The following TRIOBP variants were observed in gnomAD, a reference collection of about 807,000 sequenced individuals.
TRIOBP encodes TRIO and F-actin binding protein.
Under a neutral mutation model 238.8 loss-of-function variants are expected in TRIOBP, and 169 were observed. The observed-to-expected ratio is 0.71, with a 90% confidence interval of 0.62 to 0.80. TRIOBP has a LOEUF of 0.80. Ranked by LOEUF, TRIOBP falls within the 30% of genes least tolerant of loss-of-function variation. The pLI is 0.00. For synonymous variants in TRIOBP, 1,150 were observed against 1,274.4 expected (o/e 0.90, Z 2.08); for missense variants, 2,838 against 3,122.6 (o/e 0.91, Z 2.17).
At chr22:37,766,508 C>CAAA (rs1569062282) in intron 18 of TRIOBP, among the ~76,000 whole-genome samples, 14 of 152,244 alleles carry the variant, frequency 9.2e-5, no homozygotes. Flanking sequence ...TTTGCAGCCG[C>CAAA]GTGTGTTAGA....
At chr22:37,752,365 C>T (rs538022283) in intron 12 of TRIOBP, among the ~76,000 whole-genome samples, 7 of 152,340 alleles carry the variant, frequency 4.6e-5, no homozygotes, top group African/African-American at 1.7e-4. Flanking sequence ...TGCCACAAAG[C>T]TCCTGGCACT....
At chr22:37,740,868 G>T in intron 10 of TRIOBP, 27 bp from the exon 11 acceptor site, 1 of 1,561,684 alleles carries the variant, frequency 6.4e-7, no homozygotes, top group East Asian at 2.4e-5. Context: ...AAGGGACCTG[G>T]GGCCAACACT....
Position 37,726,401 on chromosome 22 carries a change from T to C in TRIOBP, c.3845T>C (p.Leu1282Pro). 1 of 1,586,252 alleles carries C rather than the reference T, an allele frequency of 6.3e-7. No individual in the cohort carries two copies. ...GCCGACCTGCCCCCACCCAGGAGGC[T>C]GGCCCAGAGACAGCCAGGGCCCCAG... ...VLADLPPPRR[L>P]AQRQPGPQAQ... Residue 1282 changes from leucine (L) to proline (P), a missense_variant, in exon 7 of 24, where the codon CTG (leucine) becomes CCG (proline). Coordinates refer to ENST00000644935, the MANE Select transcript of TRIOBP (RefSeq NM_001039141.3).
chr22:37,750,587 C>T (rs929817951), intron 11 of TRIOBP: 12 of 467,326 alleles, frequency 2.6e-5, no homozygotes, highest in Middle Eastern at 3.3e-4. Context: ...GCGGGACAAA[C>T]GCAGCCCCAG....
At position 37,726,239 on chromosome 22, in the gene TRIOBP, C is replaced by T. The variant is rs1436237494; in HGVS notation, c.3683C>T (p.Ser1228Phe). The change falls in exon 7 of 24, where the codon TCC (serine) becomes TTC (phenylalanine). Residue 1228 changes from serine to phenylalanine, a missense_variant. Around this residue, in one of 5 missense-constraint regions of TRIOBP, gnomAD observed 2,096 missense variants for 2,137.4 expected, o/e 0.98. Transcript: ENST00000644935. The part of the protein sequence containing the change: ...IGHRDAPRAS[S>F]PPRHPPSDLA... ...CACCGGGATGCACCCCGAGCCTCCT[C>T]CCCACCCCGCCACCCACCCAGTGAC... The T allele has an allele frequency of 1.2e-6, 2 of 1,610,576 alleles. No homozygotes were observed. The highest frequency in any genetic ancestry group is 1.7e-6 in the Non-Finnish European group (2 of 1,178,608).
intron 9 of TRIOBP, among the ~76,000 whole-genome samples, chr22:37,737,080 G>A (rs756429980): frequency 5.3e-5 from 8 of 152,166 alleles, no homozygotes; most frequent in South Asian, 2.1e-4. Flanking sequence ...AAGTCAGCTC[G>A]TCCTGCCCTC....
chr22:37,703,474 C>T (rs1283775981), intron 3 of TRIOBP, among the ~76,000 whole-genome samples: 2 of 150,366 alleles, frequency 1.3e-5, no homozygotes, highest in African/African-American at 2.4e-5. Context: ...ACCATGGCTT[C>T]GTCATTCCCA....
At chr22:37,707,956 A>C (rs1021362834) in intron 3 of TRIOBP, among the ~76,000 whole-genome samples, 1 of 145,918 alleles carries the variant, frequency 6.9e-6, no homozygotes, top group East Asian at 2.0e-4. Flanking sequence ...AAAAGAAAAA[A>C]AAAAAAAAGG....
At position 37,740,808 on chromosome 22, in the gene TRIOBP, C is replaced by T; in HGVS notation, c.5185-87C>T. The T allele has an allele frequency of 3.9e-6, 6 of 1,542,790 alleles. No individual in the cohort carries two copies. In the South Asian group the frequency reaches 7.2e-5, roughly 18 times the overall value. On this transcript the variant is annotated intron_variant, in intron 10 of 23. Transcript: ENST00000644935. ...CCCTGGGGCTCCATGGTGGGGGGCA[C>T]CACAGAATGGGCAGGGGAGGCTGTA... is the stretch of plus-strand genomic sequence containing the variant.
chr22:37,728,946 C>T (rs946440724), intron 7 of TRIOBP, among the ~76,000 whole-genome samples: 8 of 152,136 alleles, frequency 5.3e-5, no homozygotes, highest in Middle Eastern at 3.4e-3. Context: ...GATGGAGTCT[C>T]GCTCTGTCAC....
intron 2 of TRIOBP, among the ~76,000 whole-genome samples, chr22:37,700,873 G>A (rs1922609546): frequency 6.6e-6 from 1 of 152,040 alleles, no homozygotes; most frequent in South Asian, 2.1e-4. Context: ...TGTATTTTTA[G>A]TAGAGACAGG....
At chr22:37,757,477 G>A in intron 15 of TRIOBP, 136 bp from the exon 16 acceptor site, 1 of 1,218,850 alleles carries the variant, frequency 8.2e-7, no homozygotes, top group Non-Finnish European at 1.2e-6. Context: ...GGAAGCTCAG[G>A]TCGGGCTGCT....
rs140552904 is a variant in TRIOBP, at chr22:37,708,407, C to T, written c.115-2020C>T. Among the ~76,000 whole-genome samples, 1,243 of 151,326 alleles carry T rather than the reference C, an allele frequency of 8.2e-3. 17 individuals are homozygous for T. The highest frequency in any genetic ancestry group is 0.028 in the African/African-American group (1,168 of 41,236). On this transcript the variant is annotated intron_variant, in intron 3 of 23. Coordinates refer to ENST00000644935, the MANE Select transcript of TRIOBP (RefSeq NM_001039141.3). The stretch of plus-strand genomic sequence containing the variant: ...CTCTACTAAAAATAGAAAAATTAGC[C>T]GGGCATGGTGTCGGGCACCTGTAAT...
At chr22:37,738,854 C>A in intron 10 of TRIOBP, 135 bp downstream of exon 10, 2 of 926,768 alleles carry the variant, frequency 2.2e-6, no homozygotes, top group Non-Finnish European at 3.4e-6. Context: ...CATCTATGTG[C>A]ATGGTGGGGC....
In TRIOBP at chr22:37,760,656, G is replaced by A. The variant is rs539250133; in HGVS notation, c.6324+1392G>A. ...CTAAAAATTTGACAATCAGCTGTCTGTAGTTATCACACCATTATCTAAAGT... is the reference window on the plus strand; with the variant it reads ...CTAAAAATTTGACAATCAGCTGTCTATAGTTATCACACCATTATCTAAAGT... On this transcript the variant is annotated intron_variant, in intron 17 of 23. Transcript: ENST00000644935. Among the ~76,000 whole-genome samples, 3 of 152,318 alleles carry A rather than the reference G, an allele frequency of 2.0e-5. No individual in the cohort carries two copies. In the South Asian group the frequency reaches 6.2e-4, roughly 32 times the overall value.
At chr22:37,713,148 C>T in intron 4 of TRIOBP, 62 bp from the exon 5 acceptor site, 1 of 1,476,414 alleles carries the variant, frequency 6.8e-7, no homozygotes, top group Non-Finnish European at 9.2e-7. Flanking sequence ...GTGCATATGC[C>T]TGGGTGGGGT....
intron 9 of TRIOBP, 65 bp from the exon 10 acceptor site, chr22:37,738,548 ATGGACAGATGATAGAATGGATGGATGAGG>A (rs970925998): frequency 1.2e-5 from 15 of 1,231,182 alleles, no homozygotes; most frequent in African/African-American, 1.2e-4. Flanking sequence ...TGGGTGTTGC[ATGGACAGATGATAGAATGGATGGATGAGG>A]TGGACAGATG....
chr22:37,760,302 T>C (rs1198278359), intron 17 of TRIOBP: 1 of 152,256 alleles, frequency 6.6e-6, no homozygotes, highest in African/African-American at 2.4e-5. Context: ...TGCTTAAGTC[T>C]AGACAATCAA....
chr22:37,746,411 C>T (rs1357138215), intron 11 of TRIOBP: 1 of 1,417,378 alleles, frequency 7.1e-7, no homozygotes, highest in South Asian at 1.3e-5. Context: ...CCTGGGGCGC[C>T]GCCATGACGG....
Sources: gnomAD v4.1 joint callset for allele counts (sites outside exome capture counted in the v4.1 genomes callset) on GRCh38, gnomAD v4.1.1 for gene constraint, gnomAD v4.1.1 regional missense constraint, MANE v1.5 for transcripts, NCBI Gene and HGNC (gene_info 2026-07-23, HGNC 2026-07-21) for gene names.